Variants in ST6GALNAC5 observed in about 807,000 individuals in gnomAD.
The protein encoded by ST6GALNAC5 is ST6 N-acetylgalactosaminide alpha-2,6-sialyltransferase 5.
In ST6GALNAC5, 27 loss-of-function variants were observed where a neutral mutation model predicts 33.6. The observed-to-expected ratio is 0.80, with a 90% CI of 0.59 to 1.11. The LOEUF (loss-of-function observed/expected upper bound fraction) is 1.11. ST6GALNAC5 is among the 50% of genes least tolerant of loss of function. The pLI is 0.00. For missense variants in ST6GALNAC5, 428 were observed against 454.0 expected (o/e 0.94, Z 0.52); for synonymous variants, 194 against 171.2 (o/e 1.13, Z -1.04).
At chr1:76,970,815 T>C (rs114670118) in intron 2 of ST6GALNAC5, among the ~76,000 whole-genome samples, 2,327 of 152,332 alleles carry the variant, frequency 0.015, 29 homozygotes, top group Middle Eastern at 0.048. Context: ...GTGTTGCATG[T>C]AGCTGGGGTC....
At position 77,067,237 on chromosome 1, in the gene ST6GALNAC5, T is replaced by C. The variant is rs1196005434; in HGVS notation, c.*4031T>C. On this transcript the variant is annotated 3_prime_UTR_variant, in exon 5 of 5. Transcript: ENST00000477717. Reference sequence around the variant, plus strand: ...ACTTTGGAATGGAAAGAGGTGAGAGTGTCTCAAGGTTTAAAAATGAGCAAG... The same window carrying C: ...ACTTTGGAATGGAAAGAGGTGAGAGCGTCTCAAGGTTTAAAAATGAGCAAG... Among the ~76,000 whole-genome samples the C allele has an allele frequency of 6.6e-6, 1 of 152,050 alleles. No homozygotes were observed. The highest frequency in any genetic ancestry group is 1.5e-5 in the Non-Finnish European group (1 of 68,010).
intron 2 of ST6GALNAC5, among the ~76,000 whole-genome samples, chr1:76,888,791 C>A (rs1348191573): frequency 1.4e-5 from 2 of 143,268 alleles, no homozygotes; most frequent in African/African-American, 5.8e-5. Context: ...TTTTAAATGG[C>A]AAATAAAAAT....
intron 2 of ST6GALNAC5, among the ~76,000 whole-genome samples, chr1:76,872,274 G>A (rs1653527347): frequency 1.3e-5 from 2 of 152,132 alleles, no homozygotes; most frequent in South Asian, 4.1e-4. Flanking sequence ...GAAACCGTGA[G>A]CTAATTCCCA....
rs535701780 is a variant in ST6GALNAC5 at position 76,883,280 on chromosome 1, C to T, written c.261+14538C>T. Among the ~76,000 whole-genome samples the T allele has an allele frequency of 2.6e-4, 40 of 152,342 alleles. 1 individual carries two copies. Among genetic ancestry groups the T allele is most frequent in the African/African-American group, 8.7e-4 (36 of 41,582 alleles). ...ACACAATATTGCAATCATTTTTCCA[C>T]ATGCAAGTCTCCCTGACTAGGTTTT... On this transcript the variant is annotated intron_variant, in intron 2 of 4. Coordinates refer to ENST00000477717, the MANE Select transcript of ST6GALNAC5 (RefSeq NM_030965.3).
At chr1:76,969,544 C>A (rs1261450825) in intron 2 of ST6GALNAC5, among the ~76,000 whole-genome samples, 1 of 152,178 alleles carries the variant, frequency 6.6e-6, no homozygotes, top group Non-Finnish European at 1.5e-5. Context: ...CTGGGCGGAG[C>A]CTACCACAGC....
In ST6GALNAC5 at chr1:76,875,079, A is replaced by G. The variant is rs927301235; in HGVS notation, c.261+6337A>G. 3.3e-5 allele frequency among the ~76,000 whole-genome samples: 5 copies of G among 152,350 alleles called. No individual in the cohort carries two copies. In the East Asian group the frequency reaches 9.7e-4, roughly 29 times the overall value. ...CAAAATTAAGATATTTTCTTAGTAC[A>G]AGTGTATACATGCACAAACGTTTTT... On this transcript the variant is annotated intron_variant, in intron 2 of 4. Transcript: ENST00000477717.
intron 2 of ST6GALNAC5, among the ~76,000 whole-genome samples, chr1:76,979,448 G>C (rs1316619213): frequency 6.6e-6 from 1 of 152,050 alleles, no homozygotes; most frequent in Non-Finnish European, 1.5e-5. Flanking sequence ...TAATGAAACA[G>C]AATAGAGAAC....
intron 4 of ST6GALNAC5, among the ~76,000 whole-genome samples, chr1:77,056,347 AT>A (rs1267617123): frequency 6.6e-6 from 1 of 152,232 alleles, no homozygotes; most frequent in Non-Finnish European, 1.5e-5. Context: ...ATTTGTGATA[AT>A]AATGGGCCAA....
chr1:76,905,687 A>G (rs112909182), intron 2 of ST6GALNAC5, among the ~76,000 whole-genome samples: 2,796 of 152,338 alleles, frequency 0.018, 86 homozygotes, highest in African/African-American at 0.063. Flanking sequence ...TTCCACTTGT[A>G]AAGACAAAAC....
At chr1:76,945,252 A>C (rs1419860654) in intron 2 of ST6GALNAC5, among the ~76,000 whole-genome samples, 1 of 151,790 alleles carries the variant, frequency 6.6e-6, no homozygotes, top group Non-Finnish European at 1.5e-5. Context: ...TTCATGCTTG[A>C]GGTGATATTT....
chr1:77,019,044 T>A (rs1650955478), intron 2 of ST6GALNAC5, among the ~76,000 whole-genome samples: 1 of 152,170 alleles, frequency 6.6e-6, no homozygotes, highest in African/African-American at 2.4e-5. Flanking sequence ...TGAAATGATA[T>A]CAATTCCCCT....
intron 2 of ST6GALNAC5, among the ~76,000 whole-genome samples, chr1:76,933,677 A>G (rs1296957821): frequency 6.6e-6 from 1 of 151,588 alleles, no homozygotes; most frequent in African/African-American, 2.4e-5. Flanking sequence ...AGTCAGGAGA[A>G]ATAACTATCT....
At chr1:77,008,527 G>C (rs1401688833) in intron 2 of ST6GALNAC5, among the ~76,000 whole-genome samples, 1 of 152,022 alleles carries the variant, frequency 6.6e-6, no homozygotes, top group African/African-American at 2.4e-5. Flanking sequence ...GCTAAAGGCT[G>C]TTATCTTTTT....
chr1:77,058,960 A>G (rs1652487539), intron 4 of ST6GALNAC5, among the ~76,000 whole-genome samples: 1 of 152,240 alleles, frequency 6.6e-6, no homozygotes, highest in Non-Finnish European at 1.5e-5. Flanking sequence ...GGTACTTACA[A>G]AATCAGTTGT....
intron 2 of ST6GALNAC5, among the ~76,000 whole-genome samples, chr1:76,869,563 C>A (rs749724507): frequency 6.6e-6 from 1 of 152,188 alleles, no homozygotes; most frequent in Non-Finnish European, 1.5e-5. Context: ...CAATTCCACT[C>A]TCTATCTGCT....
intron 2 of ST6GALNAC5, among the ~76,000 whole-genome samples, chr1:76,922,494 CTTA>C (rs1647043462): frequency 6.6e-6 from 1 of 152,028 alleles, no homozygotes; most frequent in Admixed American, 6.6e-5. Context: ...ATTTTTGGAG[CTTA>C]TTCTAAAATG....
chr1:76,896,478 T>C (rs1421750542), intron 2 of ST6GALNAC5, among the ~76,000 whole-genome samples: 1 of 152,132 alleles, frequency 6.6e-6, no homozygotes, highest in African/African-American at 2.4e-5. Context: ...TAGTGGCTTG[T>C]ACTATAGCAT....
chr1:77,045,399 C>A (rs1343513914), intron 3 of ST6GALNAC5, among the ~76,000 whole-genome samples: 4 of 152,130 alleles, frequency 2.6e-5, no homozygotes, highest in African/African-American at 7.2e-5. Context: ...ATAGGGATTT[C>A]TTCTCAAAGT....
At chr1:76,966,039 G>T (rs549324306) in intron 2 of ST6GALNAC5, among the ~76,000 whole-genome samples, 1 of 152,158 alleles carries the variant, frequency 6.6e-6, no homozygotes. Flanking sequence ...GTCAGGTAGC[G>T]TGATGCCTCC....
Sources: allele counts gnomAD v4.1 joint callset (sites outside exome capture counted in the v4.1 genomes callset), GRCh38; gene constraint gnomAD v4.1.1; transcripts MANE v1.5; gene names NCBI Gene and HGNC (gene_info 2026-07-23, HGNC 2026-07-21).